Variants in ZNF362 observed in about 807,000 individuals in gnomAD.
The protein encoded by ZNF362 is rotund homolog.
ZNF362 carries 11 observed loss-of-function variants against 42.9 expected under a neutral mutation model. The observed-to-expected ratio is 0.26, with a 90% CI of 0.16 to 0.42. The LOEUF is 0.42. ZNF362 is among the 20% of genes least tolerant of loss of function. The pLI, the probability that ZNF362 is intolerant of heterozygous loss-of-function variation, is 1.00. For synonymous variants in ZNF362, 255 were observed against 257.3 expected (o/e 0.99, Z 0.09); for missense variants, 362 against 576.2 (o/e 0.63, Z 3.81).
chr1:33,157,179 C>T, the ZNF362 span, among the ~76,000 whole-genome samples: 1 of 152,174 alleles, frequency 6.6e-6, no homozygotes, highest in Non-Finnish European at 1.5e-5. Flanking sequence ...TACAGACCCT[C>T]GTGGTGTCTG....
the ZNF362 span, among the ~76,000 whole-genome samples, chr1:33,167,343 G>A: frequency 1.3e-5 from 2 of 152,184 alleles, no homozygotes; most frequent in Non-Finnish European, 2.9e-5. The surrounding 1 kb of genome is among the most constrained non-coding windows in gnomAD (Gnocchi z 4.2). Context: ...ATCTTGTCTG[G>A]CTTGTTCCCT....
At position 33,294,894 on chromosome 1, in the gene ZNF362, G is replaced by A. The variant is rs754979154; in HGVS notation, c.909-43G>A. On this transcript the variant is annotated intron_variant, in intron 6 of 8. Coordinates refer to ENST00000539719, the MANE Select transcript of ZNF362 (RefSeq NM_152493.3). This position sits in a 1 kb window ranked among gnomAD's most constrained non-coding sequence, Gnocchi z 4.2. Reference sequence around the variant, plus strand: ...ACTTGGGAACTGGAGCGGTCTTGGGGTGTGTGTCAGGGACTTCGACCTTAC... The same window carrying A: ...ACTTGGGAACTGGAGCGGTCTTGGGATGTGTGTCAGGGACTTCGACCTTAC... The A allele has an allele frequency of 6.2e-7, 1 of 1,610,026 alleles. No homozygotes were observed. Among genetic ancestry groups the A allele is most frequent in the Admixed American group, 1.7e-5 (1 of 59,996 alleles).
At chr1:33,283,005 T>A (rs529105672) in intron 6 of ZNF362, among the ~76,000 whole-genome samples, 2 of 152,166 alleles carry the variant, frequency 1.3e-5, no homozygotes, top group Non-Finnish European at 2.9e-5. Flanking sequence ...TGTGTGAGCA[T>A]TGTCACGTGT....
chr1:33,219,265 C>T, the ZNF362 span, among the ~76,000 whole-genome samples: 35 of 152,294 alleles, frequency 2.3e-4, no homozygotes, highest in African/African-American at 7.9e-4. Context: ...GGTATGATGA[C>T]GGTAAAGTGT....
At chr1:33,275,933 G>A (rs759506236) in intron 2 of ZNF362, among the ~76,000 whole-genome samples, 167 bp from the exon 3 acceptor site, 1 of 152,152 alleles carries the variant, frequency 6.6e-6, no homozygotes, top group Non-Finnish European at 1.5e-5. Flanking sequence ...GCCTGGAGAT[G>A]TGGCTTCCTG....
the ZNF362 span, among the ~76,000 whole-genome samples, chr1:33,177,337 T>A: frequency 6.6e-6 from 1 of 152,208 alleles, no homozygotes; most frequent in African/African-American, 2.4e-5. The surrounding 1 kb of genome is among the most constrained non-coding windows in gnomAD (Gnocchi z 4.1). Context: ...ACTAGGCACT[T>A]CTGATAAAGG....
the ZNF362 span, among the ~76,000 whole-genome samples, chr1:33,248,342 AC>A: frequency 6.6e-6 from 1 of 151,914 alleles, no homozygotes; most frequent in Non-Finnish European, 1.5e-5. Flanking sequence ...CCATCCCATA[AC>A]CCCCAGCTCA....
the ZNF362 span, among the ~76,000 whole-genome samples, chr1:33,143,464 T>G: frequency 6.6e-6 from 1 of 152,112 alleles, no homozygotes; most frequent in African/African-American, 2.4e-5. Context: ...GGGGAGGGCT[T>G]GGGATACTCT....
the ZNF362 span, chr1:33,180,967 G>GCCCCCCCCCCCCCCCCCCCCCCCCCCCCC: frequency 2.7e-6 from 1 of 372,296 alleles, no homozygotes; most frequent in South Asian, 2.5e-5. Context: ...CCCACCCCCC[G>GCCCCCCCCCCCCCCCCCCCCCCCCCCCCC]CCCGGCCCCA....
chr1:33,183,109 A>G, the ZNF362 span, among the ~76,000 whole-genome samples: 19 of 152,194 alleles, frequency 1.2e-4, no homozygotes, highest in Admixed American at 8.5e-4. Flanking sequence ...TGCTGTTGTC[A>G]TCGTGCCTGC....
chr1:33,139,474 C>T, the ZNF362 span, among the ~76,000 whole-genome samples: 1 of 152,172 alleles, frequency 6.6e-6, no homozygotes, highest in Non-Finnish European at 1.5e-5. Context: ...CAGTGAATCT[C>T]CTGGACCTGG....
At chr1:33,230,216 C>G in the ZNF362 span, among the ~76,000 whole-genome samples, 1 of 152,118 alleles carries the variant, frequency 6.6e-6, no homozygotes, top group African/African-American at 2.4e-5. Context: ...GGTGTTAATA[C>G]CCACCTCATT....
the ZNF362 span, among the ~76,000 whole-genome samples, chr1:33,212,707 G>C: frequency 1.3e-5 from 2 of 152,216 alleles, no homozygotes; most frequent in East Asian, 3.9e-4. Flanking sequence ...ACCAGATCTT[G>C]TGTGAACTCA....
At chr1:33,174,041 A>G in the ZNF362 span, among the ~76,000 whole-genome samples, 2 of 152,156 alleles carry the variant, frequency 1.3e-5, no homozygotes, top group African/African-American at 4.8e-5. Flanking sequence ...TAAAATATAC[A>G]TATATACCTT....
the ZNF362 span, chr1:33,158,340 G>A: frequency 6.2e-7 from 1 of 1,613,918 alleles, no homozygotes; most frequent in South Asian, 1.1e-5. Context: ...TCATATGTGA[G>A]GTTGGTCTCA....
the ZNF362 span, among the ~76,000 whole-genome samples, chr1:33,239,377 A>G: frequency 1.3e-5 from 2 of 152,250 alleles, no homozygotes; most frequent in East Asian, 3.9e-4. Context: ...ATATACTCAC[A>G]TGGGTTTTTA....
the ZNF362 span, among the ~76,000 whole-genome samples, chr1:33,197,371 A>T: frequency 2.6e-5 from 4 of 152,182 alleles, no homozygotes; most frequent in African/African-American, 9.7e-5. Context: ...ATATACATAT[A>T]TCCTATTAGT....
the ZNF362 span, among the ~76,000 whole-genome samples, chr1:33,242,572 C>T: frequency 6.6e-6 from 1 of 152,076 alleles, no homozygotes; most frequent in African/African-American, 2.4e-5. Context: ...TGTGAAGACC[C>T]AGAAAAAGAC....
At chr1:33,220,389 T>C in the ZNF362 span, among the ~76,000 whole-genome samples, 51 of 152,278 alleles carry the variant, frequency 3.3e-4, no homozygotes, top group Non-Finnish European at 6.5e-4. Flanking sequence ...CTCAGTTACC[T>C]TGTGATTGAT....
Sources: allele counts gnomAD v4.1 joint callset (sites outside exome capture counted in the v4.1 genomes callset), GRCh38; gene constraint gnomAD v4.1.1; non-coding constraint Gnocchi (gnomAD v3.1); transcripts MANE v1.5; gene names NCBI Gene and HGNC (gene_info 2026-07-23, HGNC 2026-07-21).